SYNE2: variants seen among roughly 807,000 people sequenced by gnomAD.
The protein encoded by SYNE2 is spectrin repeat containing nuclear envelope protein 2, also known as nesprin-2.
Under a neutral mutation model 856.3 loss-of-function variants are expected in SYNE2, and 431 were observed. The ratio of observed to expected loss-of-function variants is 0.50; its 90% CI spans 0.47 to 0.55. SYNE2 has a LOEUF of 0.55. SYNE2 is among the 20% of genes least tolerant of loss of function. SYNE2 has a pLI of 0.00. For missense variants in SYNE2, 8,129 were observed against 8,023.2 expected, an observed-to-expected ratio of 1.01 and a Z score of -0.50; for synonymous variants, 2,923 against 2,872.3, an observed-to-expected ratio of 1.02 and a Z score of -0.56.
Position 64,087,864 on chromosome 14 carries a change from T to G in SYNE2, c.11670+8T>G, listed in dbSNP as rs758440569. The G allele has an allele frequency of 4.2e-5, 67 of 1,613,574 alleles. 1 individual carries two copies. Among genetic ancestry groups the G allele is most frequent in the Non-Finnish European group, 5.3e-5 (63 of 1,179,656 alleles). ...ATTCAGCGAATGGCTGATGTAAGTT[T>G]GCACCATTCATTTAATCATTCAGGA... On this transcript the variant is annotated splice_region_variant and intron_variant, in intron 58 of 115. Transcript: ENST00000555002.
chr14:64,015,064 T>TGTGTATATATGTATATATATATAAC (rs2096882029), intron 32 of SYNE2, among the ~76,000 whole-genome samples: 1 of 145,312 alleles, frequency 6.9e-6, no homozygotes, highest in Non-Finnish European at 1.5e-5. Flanking sequence ...TAAATATATA[T>TGTGTATATATGTATATATATATAAC]GTGTATATAT....
At chr14:64,187,560 A>G (rs1184046947) in intron 97 of SYNE2, among the ~76,000 whole-genome samples, 1 of 152,106 alleles carries the variant, frequency 6.6e-6, no homozygotes, top group African/African-American at 2.4e-5. Flanking sequence ...GAAACACAAC[A>G]CTTGTTTTTC....
chr14:63,773,222 C>G (rs770746449), intron 1 of SYNE2, among the ~76,000 whole-genome samples: 1 of 151,618 alleles, frequency 6.6e-6, no homozygotes, highest in Non-Finnish European at 1.5e-5. Flanking sequence ...TTTTTTTGGA[C>G]AGGGTCTCAC....
chr14:63,995,342 G>A, intron 23 of SYNE2, 140 bp downstream of exon 23: 1 of 654,388 alleles, frequency 1.5e-6, no homozygotes, highest in South Asian at 1.8e-5. Flanking sequence ...TCACTTCTTT[G>A]CTTCACACTC....
At chr14:64,185,118 TGTG>T (rs1406518455) in intron 96 of SYNE2, among the ~76,000 whole-genome samples, 2 of 152,130 alleles carry the variant, frequency 1.3e-5, no homozygotes, top group African/African-American at 4.8e-5. Context: ...ATTAGCCAGT[TGTG>T]GTGGTGCGTG....
chr14:63,879,526 C>G (rs1334619465), intron 1 of SYNE2, among the ~76,000 whole-genome samples: 2 of 152,170 alleles, frequency 1.3e-5, no homozygotes, highest in Non-Finnish European at 2.9e-5. Flanking sequence ...GCCCAGGTGG[C>G]TGGTGTATCC....
chr14:63,999,159 C>T (rs915916837), intron 27 of SYNE2, 119 bp downstream of exon 27: 24 of 1,006,290 alleles, frequency 2.4e-5, no homozygotes, highest in Middle Eastern at 3.1e-4. Flanking sequence ...CCAAAGAACT[C>T]TCTTTGCTGG....
rs140356988 is a variant in SYNE2, at chr14:63,817,335, CATGTGCCT to C, written c.-304-35165_-304-35158del. Among the ~76,000 whole-genome samples, 70 of 152,194 alleles carry C rather than the reference CATGTGCCT, an allele frequency of 4.6e-4. No individual in the cohort carries two copies. The East Asian group carries it at 0.013, about 27-fold the overall frequency. On this transcript the variant is annotated intron_variant, in intron 1 of 23. Coordinates refer to the SYNE2 transcript ENST00000674003. ...ACACAAAATTAGCTGGGCACGGTGG[CATGTGCCT>C]GTAGTCCTGGCTACTCAGGAGGCTG...
chr14:64,152,926 T>C (rs892384177), intron 85 of SYNE2, among the ~76,000 whole-genome samples: 2 of 152,254 alleles, frequency 1.3e-5, no homozygotes, highest in East Asian at 1.9e-4. Flanking sequence ...CCAACGTCAT[T>C]GACAGGCTGC....
intron 66 of SYNE2, among the ~76,000 whole-genome samples, chr14:64,115,980 C>CT (rs2097851059): frequency 6.6e-6 from 1 of 151,954 alleles, no homozygotes; most frequent in South Asian, 2.1e-4. Context: ...ATAGTTACAC[C>CT]TTGTCTCTAC....
intron 45 of SYNE2, among the ~76,000 whole-genome samples, chr14:64,042,764 T>TG (rs1186325498): frequency 1.5e-4 from 2 of 12,986 alleles, no homozygotes; most frequent in Non-Finnish European, 1.9e-3. Flanking sequence ...AACCTCTTTC[T>TG]TTTTTAAATT....
chr14:64,022,139 A>G, intron 37 of SYNE2, 111 bp downstream of exon 37: 1 of 983,288 alleles, frequency 1.0e-6, no homozygotes, highest in South Asian at 1.4e-5. Context: ...TGCACAGACT[A>G]CATTCAAGGA....
intron 2 of SYNE2, among the ~76,000 whole-genome samples, chr14:63,931,392 A>G (rs1159985304): frequency 6.6e-6 from 1 of 152,066 alleles, no homozygotes; most frequent in African/African-American, 2.4e-5. Context: ...TGTACTAAAA[A>G]TACAAAAATT....
At chr14:63,889,825 G>C (rs1265655743) in intron 1 of SYNE2, among the ~76,000 whole-genome samples, 5 of 152,088 alleles carry the variant, frequency 3.3e-5, no homozygotes, top group African/African-American at 1.2e-4. Flanking sequence ...AGAGTCTTCA[G>C]AATGAAGGCC....
chr14:64,208,382 C>T (rs2098619536), intron 100 of SYNE2, among the ~76,000 whole-genome samples: 1 of 152,212 alleles, frequency 6.6e-6, no homozygotes, highest in African/African-American at 2.4e-5. Flanking sequence ...CAAGTCTAAA[C>T]TGGAGCCCTT....
At chr14:63,892,545 G>A (rs759527174) in intron 1 of SYNE2, among the ~76,000 whole-genome samples, 4 of 150,358 alleles carry the variant, frequency 2.7e-5, no homozygotes, top group Non-Finnish European at 5.9e-5. Flanking sequence ...GGTCATTTGG[G>A]GAGAAAAAAA....
intron 45 of SYNE2, among the ~76,000 whole-genome samples, chr14:64,037,710 G>A (rs1293440444): frequency 1.8e-4 from 3 of 16,768 alleles, no homozygotes; most frequent in Non-Finnish European, 8.8e-4. Flanking sequence ...AGGGGCGGCC[G>A]GGCAGAGGCG....
chr14:64,187,359 G>A (rs1180558594), intron 97 of SYNE2, among the ~76,000 whole-genome samples: 1 of 152,088 alleles, frequency 6.6e-6, no homozygotes, highest in Non-Finnish European at 1.5e-5. Flanking sequence ...AATTTTAAAT[G>A]TTCTTTTAGA....
chr14:63,762,135 A>G (rs1886506818), intron 1 of SYNE2: 1 of 393,358 alleles, frequency 2.5e-6, no homozygotes, highest in East Asian at 7.1e-5. Context: ...ATTCCTATAG[A>G]AAGCAAGTTA....
Sources: allele counts gnomAD v4.1 joint callset (sites outside exome capture counted in the v4.1 genomes callset), GRCh38; gene constraint gnomAD v4.1.1; transcripts MANE v1.5; gene names NCBI Gene and HGNC (gene_info 2026-07-23, HGNC 2026-07-21).